NALCN: variants seen among roughly 807,000 people sequenced by gnomAD.
NALCN encodes sodium leak channel NALCN.
NALCN carries 111 observed loss-of-function variants against 225.3 expected under a neutral mutation model. The observed-to-expected ratio is 0.49, with a 90% CI of 0.42 to 0.58. The LOEUF (loss-of-function observed/expected upper bound fraction) is 0.58. Among genes scored for constraint, NALCN ranks in the 20% least tolerant of loss-of-function variants. The probability of loss-of-function intolerance (pLI) is 0.00; values close to 1 mark genes in which losing one functional copy is unlikely to be tolerated. For missense variants in NALCN, 1,378 were observed against 2,202.4 expected, an observed-to-expected ratio of 0.63 and a Z score of 7.49; for synonymous variants, 764 against 769.0, an observed-to-expected ratio of 0.99 and a Z score of 0.11.
intron 43 of NALCN, among the ~76,000 whole-genome samples, chr13:101,056,767 C>T (rs147379176): frequency 0.02 from 3,077 of 152,252 alleles, 37 homozygotes; most frequent in Middle Eastern, 0.031. Flanking sequence ...AGACAATTCC[C>T]TCCTTTGCTG....
intron 6 of NALCN, among the ~76,000 whole-genome samples, chr13:101,369,166 A>ATGTGTGTGTG (rs56739782): frequency 0.031 from 4,487 of 146,386 alleles, 77 homozygotes; most frequent in Middle Eastern, 0.045. Flanking sequence ...GACAAAATAA[A>ATGTGTGTGTG]TGTGTGTGTG....
intron 6 of NALCN, among the ~76,000 whole-genome samples, chr13:101,352,391 A>T (rs1456772425): frequency 6.6e-6 from 1 of 152,152 alleles, no homozygotes; most frequent in Admixed American, 6.6e-5. Context: ...CTAGGGATGG[A>T]ATAAATAGCA....
intron 3 of NALCN, among the ~76,000 whole-genome samples, chr13:101,378,929 C>T (rs1228728949): frequency 1.3e-5 from 2 of 151,806 alleles, no homozygotes; most frequent in African/African-American, 4.8e-5. Context: ...CAAATTCTAA[C>T]ACTTAAAGAA....
chr13:101,154,412 G>A (rs556203478), intron 15 of NALCN, among the ~76,000 whole-genome samples: 7 of 152,128 alleles, frequency 4.6e-5, no homozygotes, highest in Admixed American at 1.3e-4. Context: ...ATTTTCTCTC[G>A]TTTTCCTAAG....
At chr13:101,217,567 G>A (rs2040785376) in intron 13 of NALCN, among the ~76,000 whole-genome samples, 1 of 152,122 alleles carries the variant, frequency 6.6e-6, no homozygotes, top group Non-Finnish European at 1.5e-5. Context: ...TAGAGTCCTA[G>A]CTGTCTTCCT....
intron 4 of NALCN, among the ~76,000 whole-genome samples, chr13:101,377,439 A>G (rs2046725791): frequency 6.6e-6 from 1 of 152,224 alleles, no homozygotes; most frequent in Admixed American, 6.5e-5. Flanking sequence ...AATATTAAAA[A>G]AGAATTGCAC....
chr13:101,316,568 G>C (rs1627379), intron 7 of NALCN, among the ~76,000 whole-genome samples: 61,994 of 152,010 alleles, frequency 0.41, 13,003 homozygotes, highest in Middle Eastern at 0.47. Context: ...AGCAAAGAAA[G>C]TTTCCATTTT....
chr13:101,260,296 T>G (rs1594549665), intron 10 of NALCN, among the ~76,000 whole-genome samples: 2 of 152,224 alleles, frequency 1.3e-5, no homozygotes, highest in Non-Finnish European at 2.9e-5. Flanking sequence ...CTTAGGTTGC[T>G]TCCAAATCTT....
In NALCN at chr13:101,123,791, A is replaced by G. The variant is rs968999852; in HGVS notation, c.2192+817T>C. Among the ~76,000 whole-genome samples, 44 of 152,306 alleles carry G rather than the reference A, an allele frequency of 2.9e-4. 1 individual carries two copies. The highest frequency in any genetic ancestry group is 3.4e-3 in the Middle Eastern group (1 of 294). On this transcript the variant is annotated intron_variant, in intron 18 of 43. Transcript: ENST00000251127. ...GCTTTATTTTCTCACACAGTCTTCCAAGTTATAGTAATATGCATTCTGGAG... is the reference window on the plus strand; with the variant it reads ...GCTTTATTTTCTCACACAGTCTTCCGAGTTATAGTAATATGCATTCTGGAG...
At chr13:101,277,788 T>A (rs1023945230) in intron 10 of NALCN, among the ~76,000 whole-genome samples, 1 of 152,176 alleles carries the variant, frequency 6.6e-6, no homozygotes, top group Non-Finnish European at 1.5e-5. Flanking sequence ...GAAAAATAAA[T>A]GTATGAATTC....
At chr13:101,071,773 T>C (rs2032906602) in intron 37 of NALCN, among the ~76,000 whole-genome samples, 1 of 152,208 alleles carries the variant, frequency 6.6e-6, no homozygotes. Flanking sequence ...TGAGTAACTA[T>C]TTGGTGCAAG....
At chr13:101,276,254 G>A (rs1234639321) in intron 10 of NALCN, among the ~76,000 whole-genome samples, 2 of 151,924 alleles carry the variant, frequency 1.3e-5, no homozygotes, top group African/African-American at 4.8e-5. Context: ...AAATTTATTA[G>A]GAATTGCACA....
rs529386658 is a variant in NALCN at position 101,064,073 on chromosome 13, T to C, written c.4604+1331A>G. 1.1e-4 allele frequency among the ~76,000 whole-genome samples: 17 copies of C among 152,322 alleles called. No individual in the cohort carries two copies. In the South Asian group the frequency reaches 3.1e-3, roughly 28 times the overall value. On this transcript the variant is annotated intron_variant, in intron 40 of 43. Coordinates refer to ENST00000251127, the MANE Select transcript of NALCN (RefSeq NM_052867.4). ...TTTATTATTCCATTAAATAATACCA[T>C]CTAGCAGAGCTCAAATGACTACCAT...
At chr13:101,236,345 G>A (rs1213757202) in intron 12 of NALCN, among the ~76,000 whole-genome samples, 2 of 152,232 alleles carry the variant, frequency 1.3e-5, no homozygotes, top group East Asian at 1.9e-4. Context: ...TCTTGTGGAA[G>A]TCAGTGTGGC....
At chr13:101,187,238 T>A (rs60863524) in intron 14 of NALCN, among the ~76,000 whole-genome samples, 4 of 152,134 alleles carry the variant, frequency 2.6e-5, no homozygotes, top group South Asian at 2.1e-4. Flanking sequence ...GATTTCTTAC[T>A]ATGCCTCATT....
At chr13:101,372,033 T>C (rs1450540739) in intron 6 of NALCN, among the ~76,000 whole-genome samples, 2 of 152,208 alleles carry the variant, frequency 1.3e-5, no homozygotes, top group Non-Finnish European at 2.9e-5. Flanking sequence ...ACTTTAGAGT[T>C]ATGATTACTG....
Position 101,077,169 on chromosome 13 carries a change from C to T in NALCN, c.3886-1228G>A, listed in dbSNP as rs532896794. 2.6e-5 allele frequency among the ~76,000 whole-genome samples: 4 copies of T among 152,306 alleles called. No homozygotes were observed. In the South Asian group the frequency reaches 8.3e-4, roughly 32 times the overall value. ...ATGATCATAAGTTTTCTGAGGCCTT[C>T]CCAGCCATGCAGAACTGTGAGTCAA... is the stretch of plus-strand genomic sequence containing the variant. On this transcript the variant is annotated intron_variant, in intron 34 of 43. Transcript: ENST00000251127.
intron 13 of NALCN, among the ~76,000 whole-genome samples, chr13:101,211,596 A>G (rs1487310143): frequency 6.6e-6 from 1 of 151,904 alleles, no homozygotes; most frequent in Non-Finnish European, 1.5e-5. Context: ...TAGAAAGGAA[A>G]TAATGAAAAT....
chr13:101,138,574 G>A (rs1048861546), intron 17 of NALCN, among the ~76,000 whole-genome samples: 1 of 152,194 alleles, frequency 6.6e-6, no homozygotes, highest in African/African-American at 2.4e-5. Flanking sequence ...GCTCCAGGAG[G>A]TTCACTCATG....
Sources: allele counts gnomAD v4.1 joint callset (sites outside exome capture counted in the v4.1 genomes callset), GRCh38; gene constraint gnomAD v4.1.1; transcripts MANE v1.5; gene names NCBI Gene and HGNC (gene_info 2026-07-23, HGNC 2026-07-21).